Variants in PCDHGA1 observed in about 807,000 individuals in gnomAD.
PCDHGA1 encodes the protein protocadherin gamma-A1.
Under a neutral mutation model 58.0 loss-of-function variants are expected in PCDHGA1, and 32 were observed. The ratio of observed to expected loss-of-function variants is 0.55; its 90% CI spans 0.42 to 0.74. PCDHGA1 has a LOEUF of 0.74. Ranked by LOEUF, PCDHGA1 falls within the 30% of genes least tolerant of loss-of-function variation. PCDHGA1 has a pLI of 0.00. For synonymous variants in PCDHGA1, 498 were observed against 501.1 expected (o/e 0.99, Z 0.08); for missense variants, 1,205 against 1,182.3 (o/e 1.02, Z -0.28).
intron 1 of PCDHGA1, chr5:141,414,010 G>A (rs1308472085): frequency 1.2e-6 from 2 of 1,612,990 alleles, no homozygotes; most frequent in Non-Finnish European, 1.7e-6. Flanking sequence ...AGGTGCCAAT[G>A]GAGAAGTGAC....
chr5:141,399,988 G>C, intron 1 of PCDHGA1: 1 of 1,612,442 alleles, frequency 6.2e-7, no homozygotes, highest in Non-Finnish European at 8.5e-7. Context: ...GCGCACAGGA[G>C]AGGTGCGCAC....
At chr5:141,398,892 G>A in intron 1 of PCDHGA1, 5 of 1,613,916 alleles carry the variant, frequency 3.1e-6, no homozygotes, top group Non-Finnish European at 4.2e-6. Context: ...GGGAAAACGT[G>A]CCACCAGGCA....
chr5:141,408,773 T>C, intron 1 of PCDHGA1: 1 of 1,611,652 alleles, frequency 6.2e-7, no homozygotes, highest in Non-Finnish European at 8.5e-7. Flanking sequence ...TGGTGGCAAA[T>C]ACCCAGAGTT....
At chr5:141,418,409 G>T in intron 1 of PCDHGA1, 1 of 1,613,910 alleles carries the variant, frequency 6.2e-7, no homozygotes, top group Non-Finnish European at 8.5e-7. Flanking sequence ...GGTGGAGAAA[G>T]ACAATCCTGA....
intron 2 of PCDHGA1, among the ~76,000 whole-genome samples, chr5:141,497,552 T>C (rs2099777669): frequency 6.6e-6 from 1 of 151,386 alleles, no homozygotes; most frequent in Non-Finnish European, 1.5e-5. Context: ...TTTTTTTTTT[T>C]TTTTTTAGAC....
chr5:141,414,378 C>T lies in PCDHGA1; in HGVS notation c.2422-80429C>T, dbSNP rs958748519. ...ATCTACCATTTAAATTAGAAAAGTC[C>T]ATTGACAGTTATTACAGATTGGTGA... On this transcript the variant is annotated intron_variant, in intron 1 of 3. Coordinates refer to ENST00000517417, the MANE Select transcript of PCDHGA1 (RefSeq NM_018912.3). 3.1e-6 allele frequency: 5 copies of T among 1,613,736 alleles called. No individual in the cohort carries two copies. In the African/African-American group the frequency reaches 5.3e-5, roughly 17 times the overall value.
At position 141,332,287 on chromosome 5, in the gene PCDHGA1, C is replaced by T. The variant is rs766357788; in HGVS notation, c.1603C>T (p.Arg535Trp). ...GGACATGCAACTGAAAGTGATGGCG[C>T]GGGACAGTGGGGATCCGCCCCTCAG... ...FRDMQLKVMA[R>W]DSGDPPLSSN... is the part of the protein sequence containing the mutation. Residue 535 changes from arginine to tryptophan, a missense_variant, in exon 1 of 4, where the codon CGG (arginine) becomes TGG (tryptophan). Physicochemically the swap from Arg to Trp is moderately radical, Grantham distance 101. Coordinates refer to ENST00000517417, the MANE Select transcript of PCDHGA1 (RefSeq NM_018912.3). This position sits in a 1 kb window ranked among gnomAD's most constrained non-coding sequence, Gnocchi z 4.6. The T allele has an allele frequency of 6.2e-7, 1 of 1,614,228 alleles. No individual in the cohort carries two copies. The highest frequency in any genetic ancestry group is 1.1e-5 in the South Asian group (1 of 91,080).
intron 1 of PCDHGA1, chr5:141,385,134 G>T (rs774973571): frequency 6.2e-7 from 1 of 1,614,188 alleles, no homozygotes; most frequent in East Asian, 2.2e-5. Flanking sequence ...GCATGGACGG[G>T]GTGCAGGCTT....
chr5:141,364,500 A>G, intron 1 of PCDHGA1: 7 of 1,614,008 alleles, frequency 4.3e-6, no homozygotes, highest in Non-Finnish European at 5.9e-6. Flanking sequence ...CTGGAGCCCC[A>G]GGAGCTGGCG....
At chr5:141,497,665 G>A (rs1011161465) in intron 2 of PCDHGA1, among the ~76,000 whole-genome samples, 3 of 151,348 alleles carry the variant, frequency 2.0e-5, no homozygotes, top group South Asian at 2.1e-4. Flanking sequence ...TCAGCCTCCC[G>A]AGTAGCTGGG....
chr5:141,427,704 G>A (rs2097059746), intron 1 of PCDHGA1: 1 of 966,116 alleles, frequency 1.0e-6, no homozygotes, highest in Non-Finnish European at 1.6e-6. Flanking sequence ...ACAAGTCAGC[G>A]CCTCTGACCT....
At position 141,485,731 on chromosome 5, in the gene PCDHGA1, C is replaced by G; in HGVS notation, c.2422-9076C>G. 6.2e-7 allele frequency: 1 copy of G among 1,614,152 alleles called. No homozygotes were observed. Among genetic ancestry groups the G allele is most frequent in the Non-Finnish European group, 8.5e-7 (1 of 1,180,022 alleles). ...TTGCACTGGATGTGAAGAAGCGCAG[C>G]GACGGCAGCCTGGTCCCAGAGCTGC... On this transcript the variant is annotated intron_variant, in intron 1 of 3. Transcript: ENST00000517417. The surrounding 1 kb of genome is among the most constrained non-coding windows in gnomAD (Gnocchi z 5.7).
chr5:141,407,616 C>T (rs752226894), intron 1 of PCDHGA1, among the ~76,000 whole-genome samples: 3 of 151,970 alleles, frequency 2.0e-5, no homozygotes, highest in Non-Finnish European at 4.4e-5. Flanking sequence ...CATTGGTTGA[C>T]ATTCTATATC....
rs748176272 is a variant in PCDHGA1, at chr5:141,371,620, C to A, written c.2421+38515C>A. On this transcript the variant is annotated intron_variant, in intron 1 of 3. Coordinates refer to ENST00000517417, the MANE Select transcript of PCDHGA1 (RefSeq NM_018912.3). ...ACATACAGGTTGGTGACAGATGGAG[C>A]CCTGGACCGGGAGCAGATCCCAGAA... The A allele has an allele frequency of 2.5e-6, 4 of 1,613,874 alleles. No homozygotes were observed. The African/African-American group carries it at 4.0e-5, about 16-fold the overall frequency.
rs867643623 is a variant in PCDHGA1, at chr5:141,362,000, G to T, written c.2421+28895G>T. On this transcript the variant is annotated intron_variant, in intron 1 of 3. Coordinates refer to ENST00000517417, the MANE Select transcript of PCDHGA1 (RefSeq NM_018912.3). ...CCCGGGCTCTTCAGCCTGGGGTTGCGCACGGGTGAGGTGCGCACAGCGCGT... is the reference window on the plus strand; with the variant it reads ...CCCGGGCTCTTCAGCCTGGGGTTGCTCACGGGTGAGGTGCGCACAGCGCGT... The T allele has an allele frequency of 6.2e-7, 1 of 1,603,372 alleles. No individual in the cohort carries two copies. Among genetic ancestry groups the T allele is most frequent in the African/African-American group, 1.3e-5 (1 of 74,752 alleles).
intron 2 of PCDHGA1, among the ~76,000 whole-genome samples, chr5:141,499,829 G>A (rs1322405697): frequency 6.6e-6 from 1 of 151,548 alleles, no homozygotes; most frequent in African/African-American, 2.4e-5. Context: ...TAGGATTACA[G>A]GTGTGCACCA....
At chr5:141,497,691 C>T (rs2099778682) in intron 2 of PCDHGA1, among the ~76,000 whole-genome samples, 1 of 152,066 alleles carries the variant, frequency 6.6e-6, no homozygotes, top group African/African-American at 2.4e-5. Flanking sequence ...AGGTGTGCAC[C>T]ACCACACCCA....
At chr5:141,370,625 G>T (rs984746872) in intron 1 of PCDHGA1, 1 of 1,613,980 alleles carries the variant, frequency 6.2e-7, no homozygotes, top group Non-Finnish European at 8.5e-7. Context: ...TCTTTACCGT[G>T]AGCCCCGAAA....
In PCDHGA1 at chr5:141,333,003, C is replaced by G. The variant is rs1451297990; in HGVS notation, c.2319C>G (p.Pro773=). 12 of 1,614,180 alleles carry G rather than the reference C, an allele frequency of 7.4e-6. No homozygotes were observed. Among genetic ancestry groups the G allele is most frequent in the Non-Finnish European group, 1.0e-5 (12 of 1,180,042 alleles). ...SRKSHLIFPQ[P]NYADTLISQE... ...AGAGCCACCTGATTTTCCCCCAGCC[C>G]AACTATGCGGACACACTCATCAGCC... Residue 773 remains proline (P), a synonymous_variant, in exon 1 of 4, where the codon CCC becomes CCG. Coordinates refer to ENST00000517417, the MANE Select transcript of PCDHGA1 (RefSeq NM_018912.3).
Sources: gnomAD v4.1 joint callset for allele counts (sites outside exome capture counted in the v4.1 genomes callset) on GRCh38, gnomAD v4.1.1 for gene constraint, Gnocchi (gnomAD v3.1) non-coding constraint, MANE v1.5 for transcripts, NCBI Gene and HGNC (gene_info 2026-07-23, HGNC 2026-07-21) for gene names.